Variants in MYH14 observed in about 807,000 individuals in gnomAD.
MYH14 encodes myosin heavy chain 14.
Under a neutral mutation model 255.5 loss-of-function variants are expected in MYH14, and 123 were observed. That is an observed-to-expected ratio of 0.48 (90% CI 0.42 to 0.56). The LOEUF is 0.56. Ranked by LOEUF, MYH14 falls within the 20% of genes least tolerant of loss-of-function variation. The pLI, the probability that MYH14 is intolerant of heterozygous loss-of-function variation, is 0.00. For missense variants in MYH14, 2,423 were observed against 2,802.3 expected (o/e 0.86, Z 3.06); for synonymous variants, 1,095 against 1,161.2 (o/e 0.94, Z 1.16).
intron 39 of MYH14, among the ~76,000 whole-genome samples, chr19:50,299,048 G>C (rs2123471719): frequency 6.6e-6 from 1 of 151,626 alleles, no homozygotes; most frequent in South Asian, 2.1e-4. Context: ...CTATGATTGT[G>C]CCACTGCACT....
chr19:50,271,696 G>A, intron 25 of MYH14, 150 bp downstream of exon 25: 2 of 1,456,212 alleles, frequency 1.4e-6, no homozygotes, highest in Non-Finnish European at 9.3e-7. Context: ...CAAGGGAATG[G>A]GAAGGAGAGG....
rs1283805754 is a variant in MYH14 at position 50,249,841 on chromosome 19, C to G, written c.1656+18C>G. The G allele has an allele frequency of 1.9e-6, 3 of 1,613,680 alleles. No individual in the cohort carries two copies. The highest frequency in any genetic ancestry group is 2.5e-6 in the Non-Finnish European group (3 of 1,179,756). Reference sequence around the variant, plus strand: ...AGCGGCCGGTGAGCCCCAGGCCCCTCCCAGCCCACACTCACGGTTCAGATC... The same window carrying G: ...AGCGGCCGGTGAGCCCCAGGCCCCTGCCAGCCCACACTCACGGTTCAGATC... On this transcript the variant is annotated intron_variant, in intron 14 of 42. Transcript: ENST00000642316.
chr19:50,296,180 C>T (rs1461972937), intron 39 of MYH14, among the ~76,000 whole-genome samples: 1 of 152,060 alleles, frequency 6.6e-6, no homozygotes, highest in Admixed American at 6.6e-5. Flanking sequence ...TCATCATATT[C>T]ACGTGAACTG....
At chr19:50,271,716 G>A (rs1297966245) in intron 25 of MYH14, 133 bp from the exon 26 acceptor site, 1 of 1,470,924 alleles carries the variant, frequency 6.8e-7, no homozygotes, top group Admixed American at 2.0e-5. Context: ...GGAGGTGTAG[G>A]GGGAGGAAGG....
At chr19:50,239,016 C>A (rs1315953133) in intron 10 of MYH14, among the ~76,000 whole-genome samples, 5 of 151,520 alleles carry the variant, frequency 3.3e-5, no homozygotes, top group Admixed American at 1.3e-4. Context: ...CAAAAAAAAA[C>A]AAAAAAAATT....
intron 39 of MYH14, among the ~76,000 whole-genome samples, chr19:50,297,994 G>T (rs148381111): frequency 1.7e-3 from 263 of 152,186 alleles, no homozygotes; most frequent in African/African-American, 6.1e-3. Context: ...CATGGGGGAG[G>T]GGCATGGAGC....
intron 3 of MYH14, among the ~76,000 whole-genome samples, chr19:50,220,567 T>G (rs1383860255): frequency 6.6e-6 from 1 of 152,044 alleles, no homozygotes; most frequent in Admixed American, 6.6e-5. Context: ...TGCTTATTTT[T>G]TTTTTTGAGA....
At chr19:50,205,327 G>A in intron 1 of MYH14, 1 of 154,566 alleles carries the variant, frequency 6.5e-6, no homozygotes, top group Non-Finnish European at 1.4e-5. Flanking sequence ...CCGCCCACCT[G>A]GCAACAGGCT....
chr19:50,308,106 C>G (rs1160470742), intron 41 of MYH14, among the ~76,000 whole-genome samples: 3 of 152,170 alleles, frequency 2.0e-5, no homozygotes, highest in Non-Finnish European at 4.4e-5. Context: ...TTGGGGAATC[C>G]TCTTCAGGTT....
At position 50,293,936 on chromosome 19, in the gene MYH14, C is replaced by T. The variant is rs1040349435; in HGVS notation, c.5469+249C>T. Among the ~76,000 whole-genome samples, 2 of 152,066 alleles carry T rather than the reference C, an allele frequency of 1.3e-5. No individual in the cohort carries two copies. Among genetic ancestry groups the T allele is most frequent in the Non-Finnish European group, 2.9e-5 (2 of 68,022 alleles). ...CCAGCAAGTGTGATCATGGAAGTCT[C>T]CTGGGCCCAGTAGAGAGAGAGAAAA... is the stretch of plus-strand genomic sequence containing the variant. On this transcript the variant is annotated intron_variant, in intron 39 of 42. Transcript: ENST00000642316. The surrounding 1 kb of genome is among the most constrained non-coding windows in gnomAD (Gnocchi z 4.1).
At chr19:50,243,818 C>T (rs1159351637) in intron 10 of MYH14, among the ~76,000 whole-genome samples, 2 of 152,160 alleles carry the variant, frequency 1.3e-5, no homozygotes, top group African/African-American at 2.4e-5. Flanking sequence ...TTCCCTAAGT[C>T]CTTTTAAATT....
At chr19:50,222,542 A>G (rs2032888134) in intron 3 of MYH14, among the ~76,000 whole-genome samples, 1 of 149,676 alleles carries the variant, frequency 6.7e-6, no homozygotes, top group South Asian at 2.1e-4. Flanking sequence ...TTTTCTTCCC[A>G]GTGCTGATCG....
intron 10 of MYH14, among the ~76,000 whole-genome samples, chr19:50,243,978 CT>C (rs74268485): frequency 2.4e-3 from 343 of 143,078 alleles, no homozygotes; most frequent in Middle Eastern, 7.5e-3. Context: ...AAGATGGATT[CT>C]TTTTTTTTTT....
chr19:50,263,474 C>T, intron 22 of MYH14, 54 bp downstream of exon 22: 1 of 1,302,760 alleles, frequency 7.7e-7, no homozygotes, highest in Non-Finnish European at 1.1e-6. Context: ...GGCCTTGGGG[C>T]TTGGTCTGCT....
At chr19:50,278,942 C>T (rs983368543) in intron 30 of MYH14, among the ~76,000 whole-genome samples, 8 of 151,814 alleles carry the variant, frequency 5.3e-5, no homozygotes, top group Non-Finnish European at 7.4e-5. Context: ...GAGCTGAGAC[C>T]GCGCCATTGC....
At chr19:50,245,981 T>C (rs2034103820) in intron 11 of MYH14, among the ~76,000 whole-genome samples, 1 of 132,688 alleles carries the variant, frequency 7.5e-6, no homozygotes, top group Non-Finnish European at 1.6e-5. Flanking sequence ...CCTCCTTCCT[T>C]CCTTCTTTTA....
At chr19:50,244,199 C>T (rs755328277) in intron 10 of MYH14, 43 bp from the exon 11 acceptor site, 3 of 1,557,940 alleles carry the variant, frequency 1.9e-6, no homozygotes, top group Non-Finnish European at 2.7e-6. Context: ...GACCACACAT[C>T]GGGGTCCAGA....
At chr19:50,247,337 A>G (rs1317787412) in intron 12 of MYH14, among the ~76,000 whole-genome samples, 1 of 152,016 alleles carries the variant, frequency 6.6e-6, no homozygotes, top group African/African-American at 2.4e-5. Context: ...GAAATGGATA[A>G]TAAAAGTTCA....
chr19:50,298,260 G>A (rs947570571), intron 39 of MYH14, among the ~76,000 whole-genome samples: 2 of 152,094 alleles, frequency 1.3e-5, no homozygotes, highest in African/African-American at 4.8e-5. Context: ...CCACAGTCAG[G>A]TTAGAGTTTC....
Sources: gnomAD v4.1 joint callset for allele counts (sites outside exome capture counted in the v4.1 genomes callset) on GRCh38, gnomAD v4.1.1 for gene constraint, Gnocchi (gnomAD v3.1) non-coding constraint, MANE v1.5 for transcripts, NCBI Gene and HGNC (gene_info 2026-07-23, HGNC 2026-07-21) for gene names.